Variants in AVEN observed in about 807,000 individuals in gnomAD.
The protein encoded by AVEN is cell death regulator Aven.
AVEN carries 41 observed loss-of-function variants against 38.1 expected under a neutral mutation model. The observed-to-expected ratio is 1.08, with a 90% CI of 0.84 to 1.40. The LOEUF (loss-of-function observed/expected upper bound fraction) is 1.40, where lower values mean the gene tolerates loss of function less well. Ranked by LOEUF, AVEN falls within the 40% of genes most tolerant of loss-of-function variation. The probability of loss-of-function intolerance (pLI) is 0.00; values close to 1 mark genes in which losing one functional copy is unlikely to be tolerated. For synonymous variants in AVEN, 206 were observed against 171.8 expected, an observed-to-expected ratio of 1.20 and a Z score of -1.56; for missense variants, 605 against 438.8, an observed-to-expected ratio of 1.38 and a Z score of -3.38.
At chr15:33,857,672 T>A, downstream of AVEN, 1 of 1,412,178 alleles carries the variant, frequency 7.1e-7, no homozygotes, top group South Asian at 1.3e-5. Context: ...CCATTTCCTC[T>A]CCTTGCCCGT....
intron 2 of AVEN, among the ~76,000 whole-genome samples, chr15:33,926,021 C>T (rs1052028581): frequency 6.6e-6 from 1 of 152,146 alleles, no homozygotes; most frequent in Non-Finnish European, 1.5e-5. Context: ...TTCCAAGACG[C>T]CATTTTCATT....
chr15:34,045,807 G>C (rs1451329659), intron 5 of AVEN, among the ~76,000 whole-genome samples: 2 of 152,188 alleles, frequency 1.3e-5, no homozygotes, highest in African/African-American at 4.8e-5. Flanking sequence ...TTGGTACACA[G>C]GGTTACCTTC....
In AVEN at chr15:34,063,213, A is replaced by T; in HGVS notation, n.1346T>A. On this transcript the variant is annotated non_coding_transcript_exon_variant, in exon 5 of 12. Transcript: ENST00000675287. The surrounding 1 kb of genome is among the most constrained non-coding windows in gnomAD (Gnocchi z 4.1). ...CTCCTTCATCCTCTGGGCCCCAGCA[A>T]TCCTCTGCTGGCAGTACTTGGTTGG... 6.2e-7 allele frequency: 1 copy of T among 1,614,158 alleles called. No individual in the cohort carries two copies. The highest frequency in any genetic ancestry group is 8.5e-7 in the Non-Finnish European group (1 of 1,180,028).
Position 33,866,535 on chromosome 15 carries a change from G to A in AVEN, c.*78C>T. On this transcript the variant is annotated 3_prime_UTR_variant, in exon 6 of 6. Coordinates refer to ENST00000306730, the MANE Select transcript of AVEN (RefSeq NM_020371.3). ...CTTGAGACATGCTTGTAAACTGGCT[G>A]GTCCTGAAGGACAGCCTTATGCCCA... 1 of 1,022,788 alleles carries A rather than the reference G, an allele frequency of 9.8e-7. No individual in the cohort carries two copies. Among genetic ancestry groups the A allele is most frequent in the African/African-American group, 1.6e-5 (1 of 62,720 alleles). 63.4% of individuals were successfully genotyped at this position (1,022,788 alleles called of 1,614,324 possible).
At chr15:33,880,581 C>T (rs907667251) in intron 2 of AVEN, among the ~76,000 whole-genome samples, 5 of 152,148 alleles carry the variant, frequency 3.3e-5, no homozygotes, top group Admixed American at 2.0e-4. Flanking sequence ...TGAGTGAGCT[C>T]AATCTCTGAT....
Position 33,975,440 on chromosome 15 carries a change from T to A in AVEN, c.445+27592A>T, listed in dbSNP as rs114760994. ...AAACATTGATCAAGCAACTAAGACC[T>A]AGGATTCAAATAAATTATAAGTTGA... On this transcript the variant is annotated intron_variant, in intron 2 of 5. Coordinates refer to ENST00000306730, the MANE Select transcript of AVEN (RefSeq NM_020371.3). Among the ~76,000 whole-genome samples, 552 of 152,316 alleles carry A rather than the reference T, an allele frequency of 3.6e-3. 2 individuals carry two copies. The highest frequency in any genetic ancestry group is 0.013 in the African/African-American group (542 of 41,570).
chr15:33,939,858 A>G (rs1027931798), intron 2 of AVEN, among the ~76,000 whole-genome samples: 1 of 152,236 alleles, frequency 6.6e-6, no homozygotes, highest in African/African-American at 2.4e-5. Flanking sequence ...CATGAATGAA[A>G]TTAATATCCC....
intron 2 of AVEN, among the ~76,000 whole-genome samples, chr15:33,987,118 T>C (rs519152): frequency 0.93 from 142,333 of 152,268 alleles, 67,127 homozygotes; most frequent in Non-Finnish European, 1. Flanking sequence ...TTAATTCCAT[T>C]CTCAGGTCAC....
chr15:33,902,996 G>A (rs542737985), intron 2 of AVEN, among the ~76,000 whole-genome samples: 1 of 152,250 alleles, frequency 6.6e-6, no homozygotes, highest in South Asian at 2.1e-4. Flanking sequence ...TTGGCCGCCA[G>A]GATCTGAATC....
chr15:33,934,248 C>T (rs1938244092), intron 2 of AVEN, among the ~76,000 whole-genome samples: 1 of 151,882 alleles, frequency 6.6e-6, no homozygotes, highest in African/African-American at 2.4e-5. Flanking sequence ...ATAGTCCCAG[C>T]TACTCAGGAG....
chr15:34,040,215 A>G (rs1349744046), upstream of AVEN, among the ~76,000 whole-genome samples: 2 of 152,214 alleles, frequency 1.3e-5, no homozygotes, highest in East Asian at 1.9e-4. Flanking sequence ...CACTGCCCAC[A>G]AGGAAGATAA....
At position 33,866,497 on chromosome 15, in the gene AVEN, T is replaced by C; in HGVS notation, c.*116A>G. The C allele has an allele frequency of 1.4e-6, 1 of 699,502 alleles. No individual in the cohort carries two copies. The highest frequency in any genetic ancestry group is 2.5e-6 in the Non-Finnish European group (1 of 402,706). The allele number at this position is 699,502 out of a possible 1,614,324, so 43.3% of individuals were successfully genotyped here. ...TAGGCATTTACTGCTGTGAGCATAA[T>C]GGAACACACTAGCTTGAGACATGCT... On this transcript the variant is annotated 3_prime_UTR_variant, in exon 6 of 6. Transcript: ENST00000306730.
At chr15:33,936,288 T>C (rs976286923) in intron 2 of AVEN, among the ~76,000 whole-genome samples, 1 of 152,170 alleles carries the variant, frequency 6.6e-6, no homozygotes, top group Non-Finnish European at 1.5e-5. Flanking sequence ...TGCAAAAGCA[T>C]CTGCAGACAA....
intron 2 of AVEN, among the ~76,000 whole-genome samples, chr15:33,970,693 A>T (rs1417138644): frequency 6.6e-6 from 1 of 152,026 alleles, no homozygotes; most frequent in Non-Finnish European, 1.5e-5. Flanking sequence ...CTTGGACAAA[A>T]GTATGAAATT....
downstream of AVEN, chr15:33,857,647 C>A (rs917687030): frequency 3.7e-6 from 4 of 1,090,954 alleles, no homozygotes; most frequent in Non-Finnish European, 4.0e-6. Context: ...TTCTTAGCCG[C>A]CCTCCACCCC....
At chr15:33,894,511 C>T (rs1174829227) in intron 2 of AVEN, among the ~76,000 whole-genome samples, 3 of 28,112 alleles carry the variant, frequency 1.1e-4, no homozygotes, top group Non-Finnish European at 1.4e-4. Flanking sequence ...TAGGGTTTTT[C>T]TCTTAAAAAA....
intron 1 of AVEN, among the ~76,000 whole-genome samples, chr15:34,016,871 G>GT (rs1471914731): frequency 6.6e-6 from 1 of 152,170 alleles, no homozygotes; most frequent in Non-Finnish European, 1.5e-5. Flanking sequence ...GCACACGCCT[G>GT]TAATTGCAGC....
At chr15:34,023,614 AG>A (rs1346318641) in intron 1 of AVEN, among the ~76,000 whole-genome samples, 1 of 152,196 alleles carries the variant, frequency 6.6e-6, no homozygotes, top group African/African-American at 2.4e-5. Context: ...AAAAGATGGA[AG>A]AAAATAAAAA....
At chr15:33,936,271 G>A (rs1894056565) in intron 2 of AVEN, among the ~76,000 whole-genome samples, 3 of 152,166 alleles carry the variant, frequency 2.0e-5, no homozygotes, top group Non-Finnish European at 4.4e-5. Context: ...CAGACTACAT[G>A]GAAAAATGCA....
Sources: gnomAD v4.1 joint callset for allele counts (sites outside exome capture counted in the v4.1 genomes callset) on GRCh38, gnomAD v4.1.1 for gene constraint, Gnocchi (gnomAD v3.1) non-coding constraint, MANE v1.5 for transcripts, NCBI Gene and HGNC (gene_info 2026-07-23, HGNC 2026-07-21) for gene names.